TMEM51: variants seen among roughly 807,000 people sequenced by gnomAD.
The protein encoded by TMEM51 is chromosome 1 open reading frame 72.
In TMEM51, 8 loss-of-function variants were observed where a neutral mutation model predicts 13.6. The observed-to-expected ratio is 0.59, with a 90% confidence interval of 0.35 to 1.07. The LOEUF (loss-of-function observed/expected upper bound fraction) is 1.07. Ranked by LOEUF, TMEM51 falls within the 50% of genes least tolerant of loss-of-function variation. TMEM51 has a pLI of 0.02. For synonymous variants in TMEM51, 147 were observed against 144.4 expected, an observed-to-expected ratio of 1.02 and a Z score of -0.13; for missense variants, 279 against 330.7, an observed-to-expected ratio of 0.84 and a Z score of 1.21.
At chr1:15,153,267 C>A (rs1642458227), upstream of TMEM51, among the ~76,000 whole-genome samples, 1 of 152,192 alleles carries the variant, frequency 6.6e-6, no homozygotes, top group East Asian at 1.9e-4. Flanking sequence ...AAAGGCGGGG[C>A]GGCTGGCGGA....
At chr1:15,204,084 T>C (rs1041257732) in intron 1 of TMEM51, among the ~76,000 whole-genome samples, 2 of 152,344 alleles carry the variant, frequency 1.3e-5, no homozygotes, top group African/African-American at 4.8e-5. Flanking sequence ...CCAGTCAGTG[T>C]CCAGAACTGC....
chr1:15,192,418 C>G, intron 1 of TMEM51: 1 of 378,386 alleles, frequency 2.6e-6, no homozygotes, highest in Non-Finnish European at 5.2e-6. Context: ...CAGCGTTTGG[C>G]AGTGCTACTT....
intron 1 of TMEM51, among the ~76,000 whole-genome samples, chr1:15,185,405 G>A (rs1445896423): frequency 6.6e-6 from 1 of 152,204 alleles, no homozygotes; most frequent in Non-Finnish European, 1.5e-5. Context: ...TTTCAGTGCA[G>A]GAAGAAATGT....
intron 3 of TMEM51, among the ~76,000 whole-genome samples, chr1:15,216,062 C>G (rs1051413868): frequency 8.6e-5 from 13 of 151,962 alleles, no homozygotes; most frequent in African/African-American, 2.9e-4. Context: ...AAAAAACTGT[C>G]TTTTGCAGCA....
intron 1 of TMEM51, among the ~76,000 whole-genome samples, chr1:15,167,467 T>C (rs2100828122): frequency 6.6e-6 from 1 of 152,296 alleles, no homozygotes; most frequent in Middle Eastern, 3.4e-3. Context: ...TGTGTCTACT[T>C]TTTGGTGATT....
In TMEM51 at chr1:15,215,394, C is replaced by T; in HGVS notation, c.307C>T (p.Pro103Ser). The T allele has an allele frequency of 1.2e-6, 2 of 1,608,912 alleles. No homozygotes were observed. Among genetic ancestry groups the T allele is most frequent in the Non-Finnish European group, 8.5e-7 (1 of 1,179,054 alleles). Residue 103 changes from proline (P) to serine (S), a missense_variant, in exon 3 of 4, where the codon CCG becomes TCG. Pro to Ser is a moderately conservative substitution (Grantham distance 74, BLOSUM62 -1). Transcript: ENST00000376008. ...QGEDLAHVQHPTGAGPHAQEE... is the reference protein window; with the variant it reads ...QGEDLAHVQHSTGAGPHAQEE... ...CGAGGACCTGGCCCATGTCCAGCAC[C>T]CGACAGGCGCTGGGCCTCACGCCCA...
chr1:15,205,049 A>T (rs1251189663), intron 1 of TMEM51, among the ~76,000 whole-genome samples: 1 of 152,140 alleles, frequency 6.6e-6, no homozygotes, highest in Non-Finnish European at 1.5e-5. Context: ...GAGATGTCAC[A>T]TTTCCCAAGA....
chr1:15,212,498 C>T (rs1005166767), intron 2 of TMEM51, among the ~76,000 whole-genome samples: 9 of 152,198 alleles, frequency 5.9e-5, no homozygotes, highest in African/African-American at 1.7e-4. Context: ...ACGTACAAGG[C>T]CTGCCTGTCA....
intron 1 of TMEM51, among the ~76,000 whole-genome samples, chr1:15,182,161 CAAATAAATAAAT>C (rs56106721): frequency 0.02 from 2,823 of 139,558 alleles, 40 homozygotes; most frequent in African/African-American, 0.042. Context: ...AACTCCATCT[CAAATAAATAAAT>C]AAATAAATAA....
chr1:15,212,080 T>C (rs1056635077), intron 2 of TMEM51, among the ~76,000 whole-genome samples: 1 of 152,238 alleles, frequency 6.6e-6, no homozygotes, highest in Non-Finnish European at 1.5e-5. Flanking sequence ...ATCTGGATTA[T>C]TGGCTATTGA....
intron 2 of TMEM51, among the ~76,000 whole-genome samples, chr1:15,212,572 G>C (rs1644358817): frequency 6.6e-6 from 1 of 152,162 alleles, no homozygotes. Context: ...CAACCCCCTG[G>C]CTGTGTACTT....
chr1:15,165,919 C>T (rs1642980266), intron 1 of TMEM51, among the ~76,000 whole-genome samples: 1 of 151,712 alleles, frequency 6.6e-6, no homozygotes, highest in South Asian at 2.1e-4. Context: ...GCCTGGGTGA[C>T]AGTGAGATTT....
At chr1:15,209,896 G>T (rs1210328743) in intron 1 of TMEM51, among the ~76,000 whole-genome samples, 1 of 152,018 alleles carries the variant, frequency 6.6e-6, no homozygotes, top group African/African-American at 2.4e-5. Flanking sequence ...CCAGGTGTGG[G>T]GGTGTGCGCC....
intron 1 of TMEM51, among the ~76,000 whole-genome samples, chr1:15,183,935 AG>A (rs1381017649): frequency 6.6e-6 from 1 of 152,252 alleles, no homozygotes; most frequent in African/African-American, 2.4e-5. Flanking sequence ...TCAAACATGA[AG>A]GTGCACGTGC....
At chr1:15,208,190 C>G (rs1157491757) in intron 1 of TMEM51, among the ~76,000 whole-genome samples, 1 of 152,130 alleles carries the variant, frequency 6.6e-6, no homozygotes, top group East Asian at 1.9e-4. Context: ...TATCATCACC[C>G]ATGGGAAGGA....
Position 15,187,010 on chromosome 1 carries a change from C to CG in TMEM51, c.-266-23474dup, listed in dbSNP as rs376311580. On this transcript the variant is annotated intron_variant, in intron 1 of 3. Transcript: ENST00000376008. ...GCATGTGTCCCGGCAACCCCACTGT[C>CG]GGGGGGTATGTGTGACTGATGGGCC... 3.1e-3 allele frequency among the ~76,000 whole-genome samples: 475 copies of CG among 152,216 alleles called. 2 individuals carry two copies. The highest frequency in any genetic ancestry group is 0.011 in the African/African-American group (453 of 41,534).
At chr1:15,214,006 C>CTTT (rs367871717) in intron 2 of TMEM51, among the ~76,000 whole-genome samples, 101 of 124,184 alleles carry the variant, frequency 8.1e-4, no homozygotes, top group South Asian at 2.7e-3. Context: ...AGCACCCAGC[C>CTTT]TTTTTTTTTT....
At position 15,193,581 on chromosome 1, in the gene TMEM51, T is replaced by A. The variant is rs1573422836; in HGVS notation, c.-266-16909T>A. On this transcript the variant is annotated intron_variant, in intron 1 of 3. Transcript: ENST00000376008. ...CTTTTTCTTTTCTTTCTTTCTTTTT[T>A]TTTTTTTTTTTTTTGAGACAGGGTC... is the stretch of plus-strand genomic sequence containing the variant. 6.8e-5 allele frequency among the ~76,000 whole-genome samples: 3 copies of A among 44,080 alleles called. No homozygotes were observed. In the South Asian group the frequency reaches 3.0e-3, roughly 44 times the overall value. 28.9% of individuals were successfully genotyped at this position (44,080 alleles called of 152,430 possible).
At position 15,157,907 on chromosome 1, in the gene TMEM51, G is replaced by A. The variant is rs1305785681; in HGVS notation, c.-267+3953G>A. 3.3e-5 allele frequency among the ~76,000 whole-genome samples: 5 copies of A among 152,286 alleles called. No homozygotes were observed. In the South Asian group the frequency reaches 6.2e-4, roughly 19 times the overall value. The stretch of plus-strand genomic sequence containing the variant: ...TGGCGACCACTGTTAATATGGTGGC[G>A]TTTTATTCAGGTTTTTGTTTGCTGA... On this transcript the variant is annotated intron_variant, in intron 1 of 3. Coordinates refer to ENST00000376008, the MANE Select transcript of TMEM51 (RefSeq NM_001136218.2).
Sources: gnomAD v4.1 joint callset for allele counts (sites outside exome capture counted in the v4.1 genomes callset) on GRCh38, gnomAD v4.1.1 for gene constraint, MANE v1.5 for transcripts, NCBI Gene and HGNC (gene_info 2026-07-23, HGNC 2026-07-21) for gene names.